The following SMURF1 variants were observed in gnomAD, a reference collection of about 807,000 sequenced individuals.
SMURF1 encodes E3 ubiquitin-protein ligase SMURF1.
SMURF1 carries 44 observed loss-of-function variants against 98.0 expected under a neutral mutation model. The ratio of observed to expected loss-of-function variants is 0.45; its 90% CI spans 0.35 to 0.58. The LOEUF is 0.58. Among genes scored for constraint, SMURF1 ranks in the 20% least tolerant of loss-of-function variants. SMURF1 has a pLI of 0.00. For synonymous variants in SMURF1, 396 were observed against 374.9 expected (o/e 1.06, Z -0.65); for missense variants, 687 against 938.4 (o/e 0.73, Z 3.50).
intron 1 of SMURF1, among the ~76,000 whole-genome samples, chr7:99,102,010 C>A (rs1797093707): frequency 6.6e-6 from 1 of 151,592 alleles, no homozygotes; most frequent in East Asian, 1.9e-4. Context: ...TGTCTAGGCA[C>A]ATTCAAAGAC....
At chr7:99,082,785 T>G (rs1796599492) in intron 1 of SMURF1, among the ~76,000 whole-genome samples, 1 of 152,178 alleles carries the variant, frequency 6.6e-6, no homozygotes, top group South Asian at 2.1e-4. Context: ...GGGATGTTAA[T>G]AGGTACAGTG....
chr7:99,053,579 T>G (rs1474553910), intron 6 of SMURF1, among the ~76,000 whole-genome samples: 1 of 152,240 alleles, frequency 6.6e-6, no homozygotes, highest in Non-Finnish European at 1.5e-5. Flanking sequence ...CCCTCCTGTC[T>G]TTGCTTTTCT....
chr7:99,107,953 G>A (rs1424536586), intron 1 of SMURF1, among the ~76,000 whole-genome samples: 1 of 152,176 alleles, frequency 6.6e-6, no homozygotes, highest in East Asian at 1.9e-4. Context: ...CATGGAAAGT[G>A]AAGTTGCTGA....
chr7:99,040,874 GCC>G, intron 12 of SMURF1, among the ~76,000 whole-genome samples: 1 of 152,226 alleles, frequency 6.6e-6, no homozygotes, highest in African/African-American at 2.4e-5. Context: ...ATCGAACCAA[GCC>G]CAGGGCCTTG....
chr7:99,089,273 A>G (rs550280168), intron 1 of SMURF1, among the ~76,000 whole-genome samples: 2 of 152,092 alleles, frequency 1.3e-5, no homozygotes, highest in Non-Finnish European at 2.9e-5. Flanking sequence ...CCGTGTGTCA[A>G]TTGCATGCAT....
At chr7:99,056,090 T>A (rs1795869803) in intron 5 of SMURF1, among the ~76,000 whole-genome samples, 1 of 152,240 alleles carries the variant, frequency 6.6e-6, no homozygotes, top group Non-Finnish European at 1.5e-5. Context: ...CAGTTACTCA[T>A]TTTTCTCCCT....
intron 6 of SMURF1, among the ~76,000 whole-genome samples, chr7:99,054,350 A>C (rs933543148): frequency 3.3e-5 from 5 of 152,084 alleles, no homozygotes; most frequent in Non-Finnish European, 7.4e-5. Flanking sequence ...TCTGTCACCC[A>C]GGCTGGAGTG....
At chr7:99,123,732 T>C (rs913204701) in intron 1 of SMURF1, among the ~76,000 whole-genome samples, 1 of 152,136 alleles carries the variant, frequency 6.6e-6, no homozygotes, top group Non-Finnish European at 1.5e-5. Context: ...AGCTCCTAAC[T>C]GAATGATATA....
At chr7:99,143,328 A>G in intron 1 of SMURF1, among the ~76,000 whole-genome samples, 1 of 101,558 alleles carries the variant, frequency 9.8e-6, no homozygotes, top group Non-Finnish European at 1.9e-5. Flanking sequence ...CAAGGGGCCG[A>G]GCCGGGGAGA....
chr7:99,050,865 A>G (rs1432392129), intron 8 of SMURF1: 4 of 1,202,122 alleles, frequency 3.3e-6, no homozygotes, highest in Non-Finnish European at 4.4e-6. Context: ...AAAGCAAAAG[A>G]AAAAAAGAAA....
chr7:99,124,916 A>G (rs1171213907), intron 1 of SMURF1, among the ~76,000 whole-genome samples: 1 of 152,216 alleles, frequency 6.6e-6, no homozygotes, highest in African/African-American at 2.4e-5. Flanking sequence ...TTCAAGGGCC[A>G]AATAGAAACC....
intron 1 of SMURF1, chr7:99,081,352 C>G (rs1363857953): frequency 2.6e-5 from 4 of 152,158 alleles, no homozygotes; most frequent in African/African-American, 9.7e-5. Context: ...ACCAAAAATA[C>G]TGTTTTAAGT....
At chr7:99,050,901 G>T (rs756966282) in intron 8 of SMURF1, 1 of 1,331,580 alleles carries the variant, frequency 7.5e-7, no homozygotes, top group South Asian at 1.3e-5. Flanking sequence ...GGGTGGGGGG[G>T]GGGTCTCTCT....
chr7:99,137,037 G>A (rs1257561982), intron 1 of SMURF1, among the ~76,000 whole-genome samples: 8 of 152,060 alleles, frequency 5.3e-5, no homozygotes, highest in Non-Finnish European at 1.0e-4. Context: ...AGATAATACT[G>A]GTTTTGGCTT....
intron 1 of SMURF1, among the ~76,000 whole-genome samples, chr7:99,094,065 A>G (rs755702476): frequency 2.0e-5 from 3 of 152,186 alleles, no homozygotes; most frequent in Admixed American, 2.0e-4. Flanking sequence ...GTGTGTAACT[A>G]TATATGGTCA....
intron 1 of SMURF1, among the ~76,000 whole-genome samples, chr7:99,129,400 T>A (rs962985102): frequency 6.6e-6 from 1 of 152,158 alleles, no homozygotes; most frequent in South Asian, 2.1e-4. Flanking sequence ...TTTTACGTTA[T>A]GTTATTATTT....
Position 99,143,866 on chromosome 7 carries a change from G to T in SMURF1, c.-86C>A. The T allele has an allele frequency of 7.7e-7, 1 of 1,295,466 alleles. No individual in the cohort carries two copies. The highest frequency in any genetic ancestry group is 1.0e-6 in the Non-Finnish European group (1 of 979,206). 80.2% of individuals were successfully genotyped at this position (1,295,466 alleles called of 1,614,324 possible). On this transcript the variant is annotated 5_prime_UTR_variant, in exon 1 of 18. Transcript: ENST00000361368. ...CCGGCCCCGCCGCCGCCGCCTCAAGGTTACGGCTCCGGGCTGGGCGCCGGG... is the reference window on the plus strand; with the variant it reads ...CCGGCCCCGCCGCCGCCGCCTCAAGTTTACGGCTCCGGGCTGGGCGCCGGG...
At chr7:99,035,811 G>A (rs548608122) in intron 15 of SMURF1, 95 bp from the exon 16 acceptor site, 13 of 1,221,326 alleles carry the variant, frequency 1.1e-5, no homozygotes, top group Non-Finnish European at 1.4e-5. Flanking sequence ...GTGAAAAGTC[G>A]ATTCCCAAGC....
intron 1 of SMURF1, among the ~76,000 whole-genome samples, chr7:99,097,656 T>C (rs962884438): frequency 2.0e-5 from 3 of 152,184 alleles, no homozygotes; most frequent in Non-Finnish European, 2.9e-5. Context: ...CTTTTATTTA[T>C]AAGTTACCCA....
Sources: allele counts gnomAD v4.1 joint callset (sites outside exome capture counted in the v4.1 genomes callset), GRCh38; gene constraint gnomAD v4.1.1; transcripts MANE v1.5; gene names NCBI Gene and HGNC (gene_info 2026-07-23, HGNC 2026-07-21).